The following AUTS2 variants were observed in gnomAD, a reference collection of about 807,000 sequenced individuals.
AUTS2 encodes the protein activator of transcription and developmental regulator AUTS2, also known as autism susceptibility gene 2 protein.
Under a neutral mutation model 112.4 loss-of-function variants are expected in AUTS2, and 17 were observed. That is an observed-to-expected ratio of 0.15 (90% confidence interval 0.10 to 0.23). The LOEUF is 0.23. Ranked by LOEUF, AUTS2 falls within the 10% of genes least tolerant of loss-of-function variation. The pLI is 1.00. For synonymous variants in AUTS2, 751 were observed against 702.7 expected (o/e 1.07, Z -1.09); for missense variants, 1,510 against 1,701.6 (o/e 0.89, Z 1.98).
At chr7:69,696,259 C>A (rs1797557919) in intron 1 of AUTS2, among the ~76,000 whole-genome samples, 1 of 152,132 alleles carries the variant, frequency 6.6e-6, no homozygotes, top group African/African-American at 2.4e-5. Context: ...GGTTACCTTA[C>A]CCCTCCTCAG....
chr7:69,854,359 T>G (rs1792624067), intron 1 of AUTS2, among the ~76,000 whole-genome samples: 1 of 152,204 alleles, frequency 6.6e-6, no homozygotes, highest in African/African-American at 2.4e-5. Context: ...AAGTTCATGC[T>G]CTTAACCTTT....
At chr7:70,098,943 C>A (rs1261920050) in intron 2 of AUTS2, among the ~76,000 whole-genome samples, 4 of 152,070 alleles carry the variant, frequency 2.6e-5, no homozygotes, top group African/African-American at 7.2e-5. Context: ...CTCAGGTGAT[C>A]CGCCCACCTC....
chr7:69,781,007 T>C (rs1789123029), intron 1 of AUTS2, among the ~76,000 whole-genome samples: 2 of 152,224 alleles, frequency 1.3e-5, no homozygotes, highest in Non-Finnish European at 2.9e-5. Context: ...AACCTACTGC[T>C]CCTATTCCCC....
chr7:69,845,423 C>T (rs1206265058), intron 1 of AUTS2, among the ~76,000 whole-genome samples: 1 of 152,126 alleles, frequency 6.6e-6, no homozygotes, highest in African/African-American at 2.4e-5. Context: ...GTCTCATTGC[C>T]TCTCTCAGAA....
At chr7:69,828,932 G>A (rs1161249076) in intron 1 of AUTS2, among the ~76,000 whole-genome samples, 1 of 152,070 alleles carries the variant, frequency 6.6e-6, no homozygotes, top group Non-Finnish European at 1.5e-5. Flanking sequence ...TCTTCTTATT[G>A]GAAAGTGGCA....
intron 2 of AUTS2, among the ~76,000 whole-genome samples, chr7:69,925,589 CTCACCCTG>C (rs1162760679): frequency 3.3e-5 from 5 of 152,162 alleles, no homozygotes; most frequent in South Asian, 2.1e-4. Flanking sequence ...GAGACAGGAT[CTCACCCTG>C]TCATCCAGGC....
At chr7:70,418,630 T>C (rs964285500) in intron 4 of AUTS2, among the ~76,000 whole-genome samples, 19 of 152,192 alleles carry the variant, frequency 1.2e-4, no homozygotes, top group Non-Finnish European at 2.6e-4. Context: ...TTCTTTGCCA[T>C]CTAATGGCCT....
intron 2 of AUTS2, among the ~76,000 whole-genome samples, chr7:70,109,384 G>A (rs1426699125): frequency 1.3e-5 from 2 of 152,106 alleles, no homozygotes; most frequent in Non-Finnish European, 2.9e-5. Flanking sequence ...TTTGAAAACA[G>A]ATTTATCATT....
At chr7:70,060,318 GCTT>G (rs375632797) in intron 2 of AUTS2, among the ~76,000 whole-genome samples, 77 of 152,342 alleles carry the variant, frequency 5.1e-4, no homozygotes, top group African/African-American at 1.7e-3. Context: ...AGGAAGCTGT[GCTT>G]CTCAGAATGG....
In AUTS2 at chr7:70,539,813, C is replaced by T. The variant is rs527273263; in HGVS notation, c.690+104032C>T. ...AGCTTCCACTCTGGTGTCTGCTGTGCGGGAAGAAAGCACCCCACCAAAAGA... is the reference window on the plus strand; with the variant it reads ...AGCTTCCACTCTGGTGTCTGCTGTGTGGGAAGAAAGCACCCCACCAAAAGA... On this transcript the variant is annotated intron_variant, in intron 5 of 18. Transcript: ENST00000342771. 2.9e-4 allele frequency among the ~76,000 whole-genome samples: 44 copies of T among 152,146 alleles called. 2 individuals are homozygous for T. In the South Asian group the frequency reaches 8.3e-3, roughly 29 times the overall value.
intron 2 of AUTS2, among the ~76,000 whole-genome samples, chr7:69,992,305 C>A (rs749480458): frequency 6.6e-6 from 1 of 152,190 alleles, no homozygotes; most frequent in Non-Finnish European, 1.5e-5. Context: ...TCTTCTGAAT[C>A]TAAAAGCCTT....
At chr7:70,289,417 G>A (rs1308549940) in intron 4 of AUTS2, among the ~76,000 whole-genome samples, 3 of 152,212 alleles carry the variant, frequency 2.0e-5, no homozygotes, top group African/African-American at 7.2e-5. Context: ...TTCAATAGGT[G>A]TCTATCGACA....
At chr7:69,730,903 C>G (rs1406580341) in intron 1 of AUTS2, among the ~76,000 whole-genome samples, 1 of 152,174 alleles carries the variant, frequency 6.6e-6, no homozygotes, top group Non-Finnish European at 1.5e-5. Context: ...TACACTGTTT[C>G]AAAGTCAGAT....
chr7:69,606,173 C>G (rs1449053712), intron 1 of AUTS2, among the ~76,000 whole-genome samples: 4 of 152,140 alleles, frequency 2.6e-5, no homozygotes, highest in Non-Finnish European at 1.5e-5. Flanking sequence ...GTTAAGAAAA[C>G]AGAACAGTAA....
At chr7:69,757,296 C>G (rs908625079) in intron 1 of AUTS2, among the ~76,000 whole-genome samples, 8 of 152,162 alleles carry the variant, frequency 5.3e-5, no homozygotes, top group African/African-American at 1.9e-4. Flanking sequence ...CCTGTTGGGA[C>G]AAGGCTTTCA....
chr7:70,184,826 A>G (rs886945095), intron 4 of AUTS2, among the ~76,000 whole-genome samples: 1 of 152,188 alleles, frequency 6.6e-6, no homozygotes, highest in Non-Finnish European at 1.5e-5. Flanking sequence ...CTTTATTTAT[A>G]ATACAAAATT....
intron 1 of AUTS2, among the ~76,000 whole-genome samples, chr7:69,684,783 G>A (rs979560867): frequency 6.6e-6 from 1 of 152,166 alleles, no homozygotes; most frequent in Non-Finnish European, 1.5e-5. Flanking sequence ...GACAATGTTA[G>A]TGTGTCTGAG....
At chr7:69,836,859 T>C (rs1043048200) in intron 1 of AUTS2, among the ~76,000 whole-genome samples, 11 of 152,294 alleles carry the variant, frequency 7.2e-5, no homozygotes, top group African/African-American at 2.6e-4. Flanking sequence ...TTGGAAACTT[T>C]AGGATGATAG....
chr7:70,484,979 A>C (rs1188637306), intron 5 of AUTS2, among the ~76,000 whole-genome samples: 1 of 152,208 alleles, frequency 6.6e-6, no homozygotes, highest in Non-Finnish European at 1.5e-5. Flanking sequence ...AAGTCAAAAA[A>C]TAATAGATGT....
Sources: allele counts gnomAD v4.1 joint callset (sites outside exome capture counted in the v4.1 genomes callset), GRCh38; gene constraint gnomAD v4.1.1; transcripts MANE v1.5; gene names NCBI Gene and HGNC (gene_info 2026-07-23, HGNC 2026-07-21).